CCDC91: variants seen among roughly 807,000 people sequenced by gnomAD.
The protein encoded by CCDC91 is coiled-coil domain-containing protein 91.
Under a neutral mutation model 63.2 loss-of-function variants are expected in CCDC91, and 48 were observed. The observed-to-expected ratio is 0.76, with a 90% CI of 0.60 to 0.97. The LOEUF (loss-of-function observed/expected upper bound fraction) is 0.97, where lower values mean the gene tolerates loss of function less well. Among genes scored for constraint, CCDC91 ranks in the 50% least tolerant of loss-of-function variants. The probability of loss-of-function intolerance (pLI) is 0.00; values close to 1 mark genes in which losing one functional copy is unlikely to be tolerated. For synonymous variants in CCDC91, 167 were observed against 165.8 expected (o/e 1.01, Z -0.06); for missense variants, 500 against 494.6 (o/e 1.01, Z -0.10).
At chr12:28,406,381 T>C (rs1056829291) in intron 8 of CCDC91, among the ~76,000 whole-genome samples, 6 of 152,122 alleles carry the variant, frequency 3.9e-5, no homozygotes, top group African/African-American at 1.4e-4. Context: ...TTATTAGCAG[T>C]AGAGACCTAG....
chr12:28,530,730 A>G (rs947003830), intron 12 of CCDC91, among the ~76,000 whole-genome samples: 1 of 152,140 alleles, frequency 6.6e-6, no homozygotes, highest in Non-Finnish European at 1.5e-5. Flanking sequence ...TTTGAAGTGC[A>G]CAAAGAAGAG....
chr12:28,235,177 C>T (rs1021007182), intron 1 of CCDC91, among the ~76,000 whole-genome samples: 1 of 151,982 alleles, frequency 6.6e-6, no homozygotes, highest in African/African-American at 2.4e-5. Context: ...AAGGCCTGGG[C>T]CCAGAAAATG....
At chr12:28,486,394 G>T (rs889456879) in intron 12 of CCDC91, among the ~76,000 whole-genome samples, 1 of 152,048 alleles carries the variant, frequency 6.6e-6, no homozygotes, top group Non-Finnish European at 1.5e-5. Flanking sequence ...TGGATATTTA[G>T]TTATTTCCAC....
chr12:28,412,309 G>A (rs1391993735), intron 8 of CCDC91, among the ~76,000 whole-genome samples: 1 of 152,072 alleles, frequency 6.6e-6, no homozygotes, highest in African/African-American at 2.4e-5. Flanking sequence ...TATTATTATT[G>A]TTACTTATAT....
intron 12 of CCDC91, among the ~76,000 whole-genome samples, chr12:28,515,974 T>C (rs1216333785): frequency 1.3e-5 from 2 of 151,804 alleles, no homozygotes; most frequent in African/African-American, 4.8e-5. Flanking sequence ...TTGAAAGGGG[T>C]TAGTTAGTAT....
intron 3 of CCDC91, among the ~76,000 whole-genome samples, chr12:28,267,742 T>TATATATTACTATATAATTATATATA (rs1491263013): frequency 4.2e-4 from 26 of 61,996 alleles, no homozygotes; most frequent in East Asian, 3.1e-3. Context: ...TATATATAAT[T>TATATATTACTATATAATTATATATA]ATATATTACT....
rs559082523 is a variant in CCDC91, at chr12:28,197,727, A to C, written c.-15+7086A>C. On this transcript the variant is annotated intron_variant, in intron 1 of 12. Transcript: ENST00000536442. ...TATATTAATTTTAATGCTAACAATA[A>C]ATTTACTAAGCAGATTAGCAAATTA... Among the ~76,000 whole-genome samples the C allele has an allele frequency of 2.0e-5, 3 of 152,222 alleles. No homozygotes were observed. The South Asian group carries it at 6.2e-4, about 32-fold the overall frequency.
At chr12:28,409,581 G>A (rs549847727) in intron 8 of CCDC91, among the ~76,000 whole-genome samples, 7 of 151,718 alleles carry the variant, frequency 4.6e-5, no homozygotes, top group African/African-American at 1.2e-4. Context: ...TTTAATTTAC[G>A]TAACTTAATT....
At chr12:28,207,478 T>G (rs1329991236) in intron 1 of CCDC91, among the ~76,000 whole-genome samples, 1 of 152,216 alleles carries the variant, frequency 6.6e-6, no homozygotes, top group East Asian at 1.9e-4. Flanking sequence ...AAAAGCTTTA[T>G]TGACCTGATG....
At chr12:28,307,616 C>A in intron 5 of CCDC91, 29 bp from the exon 6 acceptor site, 1 of 1,165,400 alleles carries the variant, frequency 8.6e-7, no homozygotes, top group African/African-American at 1.6e-5. Context: ...TTAAATATTA[C>A]AAAGCTTGTA....
chr12:28,281,891 G>T (rs1592193791), intron 3 of CCDC91, among the ~76,000 whole-genome samples: 1 of 152,226 alleles, frequency 6.6e-6, no homozygotes, highest in East Asian at 1.9e-4. Context: ...TGGATTTAAT[G>T]TTAACAGTGC....
chr12:28,461,633 A>G (rs1343376739), intron 11 of CCDC91, among the ~76,000 whole-genome samples: 1 of 152,054 alleles, frequency 6.6e-6, no homozygotes, highest in African/African-American at 2.4e-5. Flanking sequence ...GAATGATAAT[A>G]TACCTGACCA....
At chr12:28,361,893 G>A (rs1325768085) in intron 6 of CCDC91, among the ~76,000 whole-genome samples, 1 of 146,560 alleles carries the variant, frequency 6.8e-6, no homozygotes, top group African/African-American at 2.5e-5. Context: ...GGCGGGAGGG[G>A]GTGTTTCTTT....
intron 11 of CCDC91, among the ~76,000 whole-genome samples, chr12:28,460,052 A>G (rs1714898994): frequency 6.6e-6 from 1 of 152,112 alleles, no homozygotes; most frequent in African/African-American, 2.4e-5. Flanking sequence ...CCAAGGATGC[A>G]TACATAATTT....
chr12:28,294,365 G>A (rs1463459083), intron 3 of CCDC91, among the ~76,000 whole-genome samples: 1 of 152,136 alleles, frequency 6.6e-6, no homozygotes, highest in Non-Finnish European at 1.5e-5. Context: ...CTGGTGGGAG[G>A]TGATTGGGTT....
intron 3 of CCDC91, among the ~76,000 whole-genome samples, chr12:28,269,050 TTC>T: frequency 6.6e-6 from 1 of 152,184 alleles, no homozygotes; most frequent in East Asian, 1.9e-4. Context: ...CAACCAGAGG[TTC>T]TGACAGATAT....
intron 6 of CCDC91, among the ~76,000 whole-genome samples, chr12:28,336,674 A>T (rs1942005874): frequency 6.6e-6 from 1 of 152,054 alleles, no homozygotes. Flanking sequence ...TCATTTTTGG[A>T]GATGTTTATA....
At chr12:28,352,749 A>G (rs1426313172) in intron 6 of CCDC91, among the ~76,000 whole-genome samples, 4 of 151,966 alleles carry the variant, frequency 2.6e-5, no homozygotes, top group African/African-American at 7.3e-5. Context: ...CCGTAAACAG[A>G]TGTGCTGTCA....
At chr12:28,438,326 T>C (rs1217964183) in intron 8 of CCDC91, among the ~76,000 whole-genome samples, 1 of 152,102 alleles carries the variant, frequency 6.6e-6, no homozygotes, top group Non-Finnish European at 1.5e-5. Flanking sequence ...GGGGCAAGTT[T>C]GGCTCTTCTA....
Sources: gnomAD v4.1 joint callset for allele counts (sites outside exome capture counted in the v4.1 genomes callset) on GRCh38, gnomAD v4.1.1 for gene constraint, MANE v1.5 for transcripts, NCBI Gene and HGNC (gene_info 2026-07-23, HGNC 2026-07-21) for gene names.